Variants in CFAP206 observed in about 807,000 individuals in gnomAD.
CFAP206 encodes cilia- and flagella-associated protein 206.
In CFAP206, 53 loss-of-function variants were observed where a neutral mutation model predicts 65.4. That is an observed-to-expected ratio of 0.81 (90% CI 0.65 to 1.02). The LOEUF is 1.02. Among genes scored for constraint, CFAP206 ranks in the 50% least tolerant of loss-of-function variants. The pLI, the probability that CFAP206 is intolerant of heterozygous loss-of-function variation, is 0.00. For missense variants in CFAP206, 663 were observed against 753.2 expected (o/e 0.88, Z 1.40); for synonymous variants, 250 against 254.4 (o/e 0.98, Z 0.17).
chr6:87,450,668 G>A (rs6937823), intron 11 of CFAP206, among the ~76,000 whole-genome samples: 1,839 of 151,224 alleles, frequency 0.012, 33 homozygotes, highest in African/African-American at 0.041. Context: ...ATCATCCCCC[G>A]ACAGGAACAT....
intron 7 of CFAP206, among the ~76,000 whole-genome samples, chr6:87,423,496 G>A (rs1344118298): frequency 2.6e-5 from 4 of 152,038 alleles, no homozygotes; most frequent in African/African-American, 7.2e-5. Context: ...TGATCCACCC[G>A]CCTCCGCCTC....
At position 87,464,023 on chromosome 6, in the gene CFAP206, A is replaced by G. The variant is rs1286122047; in HGVS notation, c.1642A>G (p.Asn548Asp). 2 of 1,608,620 alleles carry G rather than the reference A, an allele frequency of 1.2e-6. No homozygotes were observed. The highest frequency in any genetic ancestry group is 2.7e-5 in the African/African-American group (2 of 74,832). The change falls in exon 13 of 13, where the codon AAT becomes GAT. Residue 548 changes from asparagine to aspartate, a missense_variant. Asn to Asp is a conservative substitution (Grantham distance 23). Transcript: ENST00000369562. The part of the protein sequence containing the change: ...ELRRKAIKLA[N>D]LRQKVTHSVQ... Reference sequence around the variant, plus strand: ...CCTGTATTCTCTTTCTCTTTAGGCTAATTTGCGCCAGAAAGTTACTCACTC... The same window carrying G: ...CCTGTATTCTCTTTCTCTTTAGGCTGATTTGCGCCAGAAAGTTACTCACTC...
intron 11 of CFAP206, among the ~76,000 whole-genome samples, chr6:87,440,121 A>C (rs1768340514): frequency 6.6e-6 from 1 of 152,166 alleles, no homozygotes; most frequent in East Asian, 1.9e-4. Context: ...GAGTCTCCCT[A>C]TCCAAAGCAT....
chr6:87,445,562 T>C (rs75902858), intron 11 of CFAP206, among the ~76,000 whole-genome samples: 91 of 152,328 alleles, frequency 6.0e-4, no homozygotes, highest in Middle Eastern at 3.4e-3. Flanking sequence ...CTGCTTATTA[T>C]TCCATGGTGT....
intron 11 of CFAP206, chr6:87,444,766 G>C: frequency 2.1e-6 from 1 of 478,382 alleles, no homozygotes; most frequent in Non-Finnish European, 4.0e-6. Flanking sequence ...CTGATGTTCT[G>C]CAATTTTCTA....
rs571737593 is a variant in CFAP206, at chr6:87,414,168, T to C, written c.283+268T>C. 3.3e-5 allele frequency among the ~76,000 whole-genome samples: 5 copies of C among 152,354 alleles called. No homozygotes were observed. In the East Asian group the frequency reaches 7.7e-4, roughly 23 times the overall value. ...ACATAATAATTAGGAATTCAGCCCA[T>C]TGAAGTTAAAAGTTTTTAATTTATA... On this transcript the variant is annotated intron_variant, in intron 4 of 12. Transcript: ENST00000369562.
chr6:87,451,902 T>C (rs1269999661), intron 11 of CFAP206, among the ~76,000 whole-genome samples: 1 of 150,272 alleles, frequency 6.7e-6, no homozygotes, highest in Non-Finnish European at 1.5e-5. Flanking sequence ...TCCGCTTCCC[T>C]GAAAGGGGAG....
At chr6:87,451,850 C>T (rs966939489) in intron 11 of CFAP206, among the ~76,000 whole-genome samples, 2 of 148,092 alleles carry the variant, frequency 1.4e-5, no homozygotes, top group Admixed American at 6.9e-5. Context: ...CCAGCCTGGG[C>T]GACAGAGCGA....
intron 11 of CFAP206, among the ~76,000 whole-genome samples, chr6:87,454,844 C>CAA (rs200119526): frequency 0.3 from 27,006 of 88,974 alleles, 3,197 homozygotes; most frequent in Admixed American, 0.37. Context: ...GACTCTGTCT[C>CAA]AAAAAAAAAA....
At chr6:87,416,004 A>T in intron 5 of CFAP206, 130 bp downstream of exon 5, 1 of 700,558 alleles carries the variant, frequency 1.4e-6, no homozygotes, top group Non-Finnish European at 2.1e-6. Context: ...AAAAATCAGC[A>T]CAAATGAGTT....
intron 12 of CFAP206, 139 bp from the exon 13 acceptor site, chr6:87,463,881 T>C (rs990723234): frequency 2.4e-5 from 13 of 542,580 alleles, no homozygotes; most frequent in Middle Eastern, 9.9e-4. Flanking sequence ...CAATGTTTTA[T>C]AGAAAAAATG....
intron 12 of CFAP206, among the ~76,000 whole-genome samples, chr6:87,462,481 A>C (rs1489799717): frequency 1.3e-5 from 2 of 152,214 alleles, no homozygotes; most frequent in African/African-American, 4.8e-5. Context: ...TATATATCCC[A>C]CTACTTTGTT....
At chr6:87,459,426 A>G (rs1768703829) in intron 11 of CFAP206, among the ~76,000 whole-genome samples, 1 of 152,112 alleles carries the variant, frequency 6.6e-6, no homozygotes, top group Non-Finnish European at 1.5e-5. Flanking sequence ...CTAGTCTTCT[A>G]TTTGTTAAAA....
chr6:87,448,446 G>C (rs964389229), intron 11 of CFAP206, among the ~76,000 whole-genome samples: 1 of 152,074 alleles, frequency 6.6e-6, no homozygotes, highest in Non-Finnish European at 1.5e-5. Flanking sequence ...AATGTATTAT[G>C]ATCAAATCAG....
rs758078650 is a variant in CFAP206 at position 87,415,834 on chromosome 6, T to G, written c.432T>G (p.Leu144=). 1 of 1,609,806 alleles carries G rather than the reference T, an allele frequency of 6.2e-7. No individual in the cohort carries two copies. The highest frequency in any genetic ancestry group is 8.5e-7 in the Non-Finnish European group (1 of 1,178,244). The change falls in exon 5 of 13, where the codon CTT becomes CTG. Residue 144 remains leucine (L), a synonymous_variant. Coordinates refer to ENST00000369562, the MANE Select transcript of CFAP206 (RefSeq NM_001031743.3). ...IISYVLLRSG[L]GSPTDIKTVR... is the part of the protein sequence containing the mutation. ...GCTATGTGTTACTCCGCTCTGGCCT[T>G]GGATCCCCTACAGACATCAAGACTG...
chr6:87,410,477 CA>C (rs1438514033), intron 2 of CFAP206, 107 bp from the exon 3 acceptor site: 1 of 829,944 alleles, frequency 1.2e-6, no homozygotes, highest in Non-Finnish European at 2.0e-6. Context: ...CCAACGTAAT[CA>C]AGAGGTAGTT....
intron 11 of CFAP206, among the ~76,000 whole-genome samples, chr6:87,443,963 AT>A (rs1400644999): frequency 6.6e-6 from 1 of 151,966 alleles, no homozygotes; most frequent in Non-Finnish European, 1.5e-5. Context: ...AAACATAGCT[AT>A]TTTCATCATA....
rs116512036 is a variant in CFAP206, at chr6:87,426,406, A to G, written c.841-120A>G. On this transcript the variant is annotated intron_variant, in intron 7 of 12. Transcript: ENST00000369562. ...GTGTTGAGGATCTTGCGGAGAACAG[A>G]CTTCCTGCTGTCATTGAGCCTACTT... 383 of 637,870 alleles carry G rather than the reference A, an allele frequency of 6.0e-4. No homozygotes were observed. In the African/African-American group the frequency reaches 6.7e-3, roughly 11 times the overall value. The allele number at this position is 637,870 out of a possible 1,614,324, so 39.5% of individuals were successfully genotyped here. A position where few individuals can be genotyped will look rare whatever the true frequency, so the allele number is the denominator to read the frequency against.
chr6:87,420,887 T>C (rs1767929353), intron 7 of CFAP206, among the ~76,000 whole-genome samples: 1 of 152,236 alleles, frequency 6.6e-6, no homozygotes, highest in Non-Finnish European at 1.5e-5. Flanking sequence ...TTCTTAACTT[T>C]CTGATTCTCT....
Sources: gnomAD v4.1 joint callset for allele counts (sites outside exome capture counted in the v4.1 genomes callset) on GRCh38, gnomAD v4.1.1 for gene constraint, MANE v1.5 for transcripts, NCBI Gene and HGNC (gene_info 2026-07-23, HGNC 2026-07-21) for gene names.